The following ADGRD1 variants were observed in gnomAD, a reference collection of about 807,000 sequenced individuals.
ADGRD1 encodes the protein adhesion G protein-coupled receptor D1.
In ADGRD1, 77 loss-of-function variants were observed where a neutral mutation model predicts 113.4. The ratio of observed to expected loss-of-function variants is 0.68; its 90% CI spans 0.57 to 0.82. The LOEUF is 0.82. ADGRD1 is among the 40% of genes least tolerant of loss of function. ADGRD1 has a pLI of 0.00. For missense variants in ADGRD1, 1,036 were observed against 1,139.1 expected (o/e 0.91, Z 1.30); for synonymous variants, 474 against 475.0 (o/e 1.00, Z 0.03).
rs1885609312 is a variant in ADGRD1, at chr12:131,076,379, C to T, written c.1474-422C>T. Among the ~76,000 whole-genome samples the T allele has an allele frequency of 2.0e-5, 3 of 152,070 alleles. No individual in the cohort carries two copies. In the South Asian group the frequency reaches 6.2e-4, roughly 32 times the overall value. On this transcript the variant is annotated intron_variant, in intron 13 of 24. Transcript: ENST00000261654. ...GAATGGAGCTAGAGTGGGCAGGGTG[C>T]CGGTGCTGTTTAGAACAGGTAGGGA...
At chr12:131,020,095 A>G (rs112412441) in intron 13 of ADGRD1, among the ~76,000 whole-genome samples, 53 of 5,300 alleles carry the variant, frequency 0.01, no homozygotes, top group East Asian at 0.042. Context: ...GGTGCTCGAG[A>G]GAGATATTCC....
chr12:131,104,924 G>A lies in ADGRD1; in HGVS notation c.1765G>A (p.Ala589Thr), dbSNP rs201161291. 909 of 1,549,600 alleles carry A rather than the reference G, an allele frequency of 5.9e-4. 5 individuals are homozygous for A. The highest frequency in any genetic ancestry group is 1.1e-4 in the African/African-American group (8 of 73,034). Residue 589 changes from alanine to threonine, a missense_variant, in exon 16 of 25, where the codon GCC becomes ACC. Coordinates refer to ENST00000261654, the MANE Select transcript of ADGRD1 (RefSeq NM_198827.5). ...LCLVATLVTF[A>T]VLSSVSTIRN... is the part of the protein sequence containing the mutation. ...CCTGGTGGCCACGCTGGTCACCTTC[G>A]CCGTGCTGTCGTGAGTCCCCTTTTC... is the stretch of plus-strand genomic sequence containing the variant.
At chr12:131,120,241 T>C (rs915138061) in intron 19 of ADGRD1, among the ~76,000 whole-genome samples, 1 of 152,192 alleles carries the variant, frequency 6.6e-6, no homozygotes, top group Non-Finnish European at 1.5e-5. Context: ...TCCTAGGGAC[T>C]CTTCGGCTCT....
chr12:131,094,080 G>C (rs1463078311), intron 15 of ADGRD1, among the ~76,000 whole-genome samples: 1 of 140,276 alleles, frequency 7.1e-6, no homozygotes. Context: ...ACCCAGCCCT[G>C]AGCACCCAGT....
chr12:131,114,820 C>T (rs1434110256), intron 18 of ADGRD1, among the ~76,000 whole-genome samples: 3 of 152,152 alleles, frequency 2.0e-5, no homozygotes, highest in African/African-American at 7.2e-5. Flanking sequence ...GGACAGATAA[C>T]CTCTGTCCTC....
chr12:131,121,649 G>A (rs1169555106), intron 20 of ADGRD1, among the ~76,000 whole-genome samples: 5 of 152,172 alleles, frequency 3.3e-5, no homozygotes. Context: ...CAAAGTGCTG[G>A]GATTACAGGC....
At chr12:131,034,604 A>T (rs948950270) in intron 13 of ADGRD1, among the ~76,000 whole-genome samples, 1 of 152,204 alleles carries the variant, frequency 6.6e-6, no homozygotes, top group Non-Finnish European at 1.5e-5. Flanking sequence ...TGGGGAAGAG[A>T]GAGGCTGTCA....
At chr12:130,981,616 T>G (rs150215806) in intron 4 of ADGRD1, among the ~76,000 whole-genome samples, 3 of 152,180 alleles carry the variant, frequency 2.0e-5, no homozygotes, top group African/African-American at 7.2e-5. Flanking sequence ...TTCCTTCATC[T>G]GTATAGTGGG....
rs1191857581 is a variant in ADGRD1, at chr12:131,075,507, C to T, written c.1474-1294C>T. Among the ~76,000 whole-genome samples, 3 of 152,144 alleles carry T rather than the reference C, an allele frequency of 2.0e-5. No homozygotes were observed. The highest frequency in any genetic ancestry group is 2.9e-5 in the Non-Finnish European group (2 of 68,026). On this transcript the variant is annotated intron_variant, in intron 13 of 24. Coordinates refer to ENST00000261654, the MANE Select transcript of ADGRD1 (RefSeq NM_198827.5). The surrounding 1 kb of genome is among the most constrained non-coding windows in gnomAD (Gnocchi z 5.3). ...GATGGATTAAAATAACCCTAAGATA[C>T]GGGGCGGCAGGGGTGGGGGACAAAG...
chr12:131,002,906 T>A, intron 9 of ADGRD1: 1 of 942,910 alleles, frequency 1.1e-6, no homozygotes, highest in Non-Finnish European at 1.5e-6. Flanking sequence ...GACCAGGAGT[T>A]GGGTCCCCTC....
At chr12:131,048,056 T>C (rs1037270611) in intron 13 of ADGRD1, among the ~76,000 whole-genome samples, 2 of 152,148 alleles carry the variant, frequency 1.3e-5, no homozygotes, top group Non-Finnish European at 2.9e-5. Flanking sequence ...TCACATGTGC[T>C]CTTGACCTCT....
At chr12:130,992,668 C>T (rs1378671933) in intron 8 of ADGRD1, among the ~76,000 whole-genome samples, 4 of 152,218 alleles carry the variant, frequency 2.6e-5, no homozygotes, top group East Asian at 3.9e-4. Flanking sequence ...CTGGCCCCCG[C>T]GGGCGTGTGG....
chr12:130,980,028 C>A (rs1872757550), intron 4 of ADGRD1, among the ~76,000 whole-genome samples: 1 of 152,134 alleles, frequency 6.6e-6, no homozygotes, highest in Admixed American at 6.6e-5. Context: ...GAGCCCGGCC[C>A]CCAGACCAGT....
At chr12:130,979,817 T>TCACA (rs10526212) in intron 4 of ADGRD1, among the ~76,000 whole-genome samples, 2,199 of 53,824 alleles carry the variant, frequency 0.041, 46 homozygotes, top group South Asian at 0.068. Context: ...AGCTAGTGTC[T>TCACA]CACACACACA....
intron 15 of ADGRD1, among the ~76,000 whole-genome samples, chr12:131,103,629 G>T (rs1368884525): frequency 6.6e-6 from 1 of 152,238 alleles, no homozygotes; most frequent in Non-Finnish European, 1.5e-5. Flanking sequence ...CTCCCTCATT[G>T]CCAACAGCTC....
At chr12:131,082,939 T>C (rs1374590469) in intron 14 of ADGRD1, among the ~76,000 whole-genome samples, 1 of 152,216 alleles carries the variant, frequency 6.6e-6, no homozygotes, top group Non-Finnish European at 1.5e-5. Context: ...CCCTGGGTCA[T>C]GTCGGAAAGA....
Position 131,139,421 on chromosome 12 carries a change from C to T in ADGRD1, c.*158C>T, listed in dbSNP as rs185260359. The T allele has an allele frequency of 1.3e-5, 8 of 616,826 alleles. No individual in the cohort carries two copies. Among genetic ancestry groups the T allele is most frequent in the African/African-American group, 5.4e-5 (3 of 55,144 alleles). 38.2% of individuals were successfully genotyped at this position (616,826 alleles called of 1,614,324 possible). A position where few individuals can be genotyped will look rare whatever the true frequency, so the allele number is the denominator to read the frequency against. ...TGTCCTCCCCTGTGACTCTGGCTGTCGGAGCACACTGCTCAGCCCAGCAGC... is the reference window on the plus strand; with the variant it reads ...TGTCCTCCCCTGTGACTCTGGCTGTTGGAGCACACTGCTCAGCCCAGCAGC... On this transcript the variant is annotated 3_prime_UTR_variant, in exon 25 of 25. Transcript: ENST00000261654.
At chr12:130,969,215 C>A (rs760402234) in intron 3 of ADGRD1, 2 of 618,714 alleles carry the variant, frequency 3.2e-6, no homozygotes. Flanking sequence ...ACAGCAGATC[C>A]AAGGTGTTAA....
intron 15 of ADGRD1, among the ~76,000 whole-genome samples, chr12:131,089,485 C>G (rs2137242268): frequency 6.6e-6 from 1 of 152,356 alleles, no homozygotes; most frequent in Middle Eastern, 3.4e-3. Context: ...AAGACAGTAA[C>G]AGGCACCATT....
Sources: gnomAD v4.1 joint callset for allele counts (sites outside exome capture counted in the v4.1 genomes callset) on GRCh38, gnomAD v4.1.1 for gene constraint, Gnocchi (gnomAD v3.1) non-coding constraint, MANE v1.5 for transcripts, NCBI Gene and HGNC (gene_info 2026-07-23, HGNC 2026-07-21) for gene names.